MCAM: variants seen among roughly 807,000 people sequenced by gnomAD.
MCAM encodes the protein cell surface glycoprotein MUC18.
A neutral mutation model predicts 79.1 loss-of-function variants in MCAM; 55 were observed. The observed-to-expected ratio is 0.70, with a 90% CI of 0.56 to 0.87. The LOEUF is 0.87. MCAM is among the 40% of genes least tolerant of loss of function. The probability of loss-of-function intolerance (pLI) is 0.00; values close to 1 mark genes in which losing one functional copy is unlikely to be tolerated. For synonymous variants in MCAM, 330 were observed against 339.8 expected, an observed-to-expected ratio of 0.97 and a Z score of 0.32; for missense variants, 745 against 839.8, an observed-to-expected ratio of 0.89 and a Z score of 1.40.
rs747378748 is a variant in MCAM, at chr11:119,311,328, C to T, written c.1501G>A (p.Ala501Thr). 9.3e-6 allele frequency: 15 copies of T among 1,614,072 alleles called. No individual in the cohort carries two copies. The highest frequency in any genetic ancestry group is 2.2e-5 in the East Asian group (1 of 44,896). ...GTGTTTTTGCCCAGGTCGTTGGAGG[C>T]CGTGCATTCAACACCTGTCTCCAAC... The part of the protein sequence containing the change: ...ELLETGVECT[A>T]SNDLGKNTSI... Residue 501 changes from alanine to threonine, a missense_variant, in exon 12 of 16, where the codon GCC (alanine) becomes ACC (threonine). Transcript: ENST00000264036. This position sits in a 1 kb window ranked among gnomAD's most constrained non-coding sequence, Gnocchi z 4.4.
intron 5 of MCAM, 68 bp downstream of exon 5, chr11:119,314,421 A>C (rs1191798675): frequency 7.1e-7 from 1 of 1,410,518 alleles, no homozygotes; most frequent in Non-Finnish European, 1.0e-6. Flanking sequence ...CTCCCAAAGC[A>C]CCGAGATTAC....
At position 119,312,505 on chromosome 11, in the gene MCAM, AC is replaced by A; in HGVS notation, c.861+21del. ...GGTCTCTGCTTGCATCCCCACCTGC[AC>A]CCAGCACAAAGCCCCCACACCTGCT... On this transcript the variant is annotated intron_variant, in intron 7 of 15. Coordinates refer to ENST00000264036, the MANE Select transcript of MCAM (RefSeq NM_006500.3). The surrounding 1 kb of genome is among the most constrained non-coding windows in gnomAD (Gnocchi z 4.9). 6.2e-7 allele frequency: 1 copy of A among 1,613,876 alleles called. No homozygotes were observed.
chr11:119,314,693 T>C lies in MCAM; in HGVS notation c.457A>G (p.Lys153Glu), dbSNP rs1273791046. Residue 153 changes from lysine to glutamate, a missense_variant, in exon 4 of 16, where the codon AAG becomes GAG. Lys to Glu is a moderately conservative substitution (Grantham distance 56, BLOSUM62 1). Transcript: ENST00000264036. ...VNPLGIPVNS[K>E]EPEEVATCVG... is the part of the protein sequence containing the mutation. Reference sequence around the variant, plus strand: ...ACACATCTCACCTCCTCAGGCTCCTTACTGTTCACAGGGATGCCCAGGGGG... The same window carrying C: ...ACACATCTCACCTCCTCAGGCTCCTCACTGTTCACAGGGATGCCCAGGGGG... The C allele has an allele frequency of 5.6e-6, 9 of 1,613,848 alleles. No homozygotes were observed. Among genetic ancestry groups the C allele is most frequent in the Admixed American group, 5.0e-5 (3 of 59,996 alleles).
rs1251314001 is a variant in MCAM, at chr11:119,315,333, G to C, written c.68-70C>G. 1 of 1,522,076 alleles carries C rather than the reference G, an allele frequency of 6.6e-7. No homozygotes were observed. The highest frequency in any genetic ancestry group is 1.4e-5 in the African/African-American group (1 of 72,880). 94.3% of individuals were successfully genotyped at this position (1,522,076 alleles called of 1,614,324 possible). A position where few individuals can be genotyped will look rare whatever the true frequency, so the allele number is the denominator to read the frequency against. On this transcript the variant is annotated intron_variant, in intron 1 of 15. Transcript: ENST00000264036. This position sits in a 1 kb window ranked among gnomAD's most constrained non-coding sequence, Gnocchi z 4.4. Reference sequence around the variant, plus strand: ...TGCTGTCCGCCCCTCCCCTCGCAGCGCTGCTGCAGCTGTTTTTCCTGCCAC... The same window carrying C: ...TGCTGTCCGCCCCTCCCCTCGCAGCCCTGCTGCAGCTGTTTTTCCTGCCAC...
chr11:119,309,541 A>C lies in MCAM; in HGVS notation c.*345T>G. The C allele has an allele frequency of 3.0e-6, 1 of 332,468 alleles. No homozygotes were observed. Among genetic ancestry groups the C allele is most frequent in the Non-Finnish European group, 5.6e-6 (1 of 177,998 alleles). 20.6% of individuals were successfully genotyped at this position (332,468 alleles called of 1,614,324 possible). A position where few individuals can be genotyped will look rare whatever the true frequency, so the allele number is the denominator to read the frequency against. On this transcript the variant is annotated 3_prime_UTR_variant, in exon 16 of 16. Transcript: ENST00000264036. The stretch of plus-strand genomic sequence containing the variant: ...GGAAACCAGCTCAGAGAGGCTACCC[A>C]GCTCAGCTGCTGGCAGGAGCCAGGT...
Position 119,309,617 on chromosome 11 carries a change from T to G in MCAM, c.*269A>C. 1 of 535,792 alleles carries G rather than the reference T, an allele frequency of 1.9e-6. No individual in the cohort carries two copies. Among genetic ancestry groups the G allele is most frequent in the South Asian group, 2.7e-5 (1 of 37,724 alleles). 33.2% of individuals were successfully genotyped at this position (535,792 alleles called of 1,614,324 possible). ...AAAAAACACGTTCTGCAAGAAACTC[T>G]CCTACCCGCTCGGGAGACTGGGGCT... is the stretch of plus-strand genomic sequence containing the variant. On this transcript the variant is annotated 3_prime_UTR_variant, in exon 16 of 16. Transcript: ENST00000264036.
rs1232616618 is a variant in MCAM, at chr11:119,317,098, C to A, written c.4G>T (p.Gly2Trp). The A allele has an allele frequency of 6.5e-7, 1 of 1,527,194 alleles. No homozygotes were observed. The highest frequency in any genetic ancestry group is 1.2e-5 in the South Asian group (1 of 82,882). 94.6% of individuals were successfully genotyped at this position (1,527,194 alleles called of 1,614,324 possible). A position where few individuals can be genotyped will look rare whatever the true frequency, so the allele number is the denominator to read the frequency against. Residue 2 changes from glycine (G) to tryptophan (W), a missense_variant, in exon 1 of 16, where the codon GGG becomes TGG. Transcript: ENST00000264036. This position sits in a 1 kb window ranked among gnomAD's most constrained non-coding sequence, Gnocchi z 6.2. M[G>W]LPRLVCAFLL... ...AAGGCGCAGACCAGCCTGGGAAGCCCCATGCTTCCCGGCCGGAGGGCGAGA... is the reference window on the plus strand; with the variant it reads ...AAGGCGCAGACCAGCCTGGGAAGCCACATGCTTCCCGGCCGGAGGGCGAGA...
In MCAM at chr11:119,315,462, T is replaced by C; in HGVS notation, c.68-199A>G. ...TCCCCGTCCAGGAGATCCCAGGTCCTTGGAGCCAAGCAGAGATTGAGCAGA... is the reference window on the plus strand; with the variant it reads ...TCCCCGTCCAGGAGATCCCAGGTCCCTGGAGCCAAGCAGAGATTGAGCAGA... On this transcript the variant is annotated intron_variant, in intron 1 of 15. Transcript: ENST00000264036. This position sits in a 1 kb window ranked among gnomAD's most constrained non-coding sequence, Gnocchi z 4.4. 2 of 618,980 alleles carry C rather than the reference T, an allele frequency of 3.2e-6. No homozygotes were observed. The highest frequency in any genetic ancestry group is 2.8e-5 in the East Asian group (1 of 35,152). The allele number at this position is 618,980 out of a possible 1,614,324, so 38.3% of individuals were successfully genotyped here.
At chr11:119,313,086 C>G (rs577541626) in intron 5 of MCAM, 137 bp from the exon 6 acceptor site, 39 of 1,543,864 alleles carry the variant, frequency 2.5e-5, no homozygotes, top group African/African-American at 2.0e-4. Context: ...CAAATGCAAG[C>G]TGGAAACCCT....
intron 5 of MCAM, 85 bp downstream of exon 5, chr11:119,314,404 C>T (rs1950278039): frequency 1.7e-5 from 21 of 1,219,930 alleles, no homozygotes; most frequent in Non-Finnish European, 2.5e-5. Context: ...GATCCTCCTG[C>T]CTTGGCCTCC....
chr11:119,316,938 G>T lies in MCAM; in HGVS notation c.67+97C>A, dbSNP rs1320865907. 3 of 1,090,834 alleles carry T rather than the reference G, an allele frequency of 2.8e-6. No individual in the cohort carries two copies. The highest frequency in any genetic ancestry group is 2.6e-5 in the Admixed American group (1 of 39,004). 67.6% of individuals were successfully genotyped at this position (1,090,834 alleles called of 1,614,324 possible). A position where few individuals can be genotyped will look rare whatever the true frequency, so the allele number is the denominator to read the frequency against. ...AGGGAGGAGGCTCGTCCTCCCAGAC[G>T]CAACGCCCCGACCCCGCCGCGCCGC... On this transcript the variant is annotated intron_variant, in intron 1 of 15. Coordinates refer to ENST00000264036, the MANE Select transcript of MCAM (RefSeq NM_006500.3). This position sits in a 1 kb window ranked among gnomAD's most constrained non-coding sequence, Gnocchi z 4.8.
At position 119,314,579 on chromosome 11, in the gene MCAM, A is replaced by G; in HGVS notation, c.472-3T>C. On this transcript the variant is annotated splice_polypyrimidine_tract_variant and splice_region_variant and intron_variant, in intron 4 of 15. Transcript: ENST00000264036. ...TTCCTCCCTACACAGGTAGCGACCT[A>G]AAGAGCACAGGGTGTGAGTCTCCCT... is the stretch of plus-strand genomic sequence containing the variant. 3 of 1,613,684 alleles carry G rather than the reference A, an allele frequency of 1.9e-6. No individual in the cohort carries two copies. Among genetic ancestry groups the G allele is most frequent in the Non-Finnish European group, 2.5e-6 (3 of 1,179,802 alleles).
chr11:119,310,279 A>C, intron 15 of MCAM, 70 bp downstream of exon 15: 1 of 1,004,608 alleles, frequency 1.0e-6, no homozygotes, highest in Non-Finnish European at 1.6e-6. Context: ...GGATAGAGAG[A>C]ACCGTTAGTC....
rs766964039 is a variant in MCAM at position 119,314,687 on chromosome 11, G to C, written c.463C>G (p.Pro155Ala). The change falls in exon 4 of 16, where the codon CCT (proline) becomes GCT (alanine). Residue 155 changes from proline (P) to alanine (A), a missense_variant. Transcript: ENST00000264036. ...PLGIPVNSKEPEEVATCVGRN... is the reference protein window; with the variant it reads ...PLGIPVNSKEAEEVATCVGRN... ...CCTGCCACACATCTCACCTCCTCAG[G>C]CTCCTTACTGTTCACAGGGATGCCC... The C allele has an allele frequency of 1.9e-6, 3 of 1,613,910 alleles. No individual in the cohort carries two copies. Among genetic ancestry groups the C allele is most frequent in the Non-Finnish European group, 2.5e-6 (3 of 1,179,978 alleles).
Position 119,309,158 on chromosome 11 carries a change from TAG to T in MCAM, c.*726_*727del, listed in dbSNP as rs1407236744. 1 of 152,186 alleles carries T rather than the reference TAG, an allele frequency of 6.6e-6. No homozygotes were observed. Among genetic ancestry groups the T allele is most frequent in the Non-Finnish European group, 1.5e-5 (1 of 68,076 alleles). 9.4% of individuals were successfully genotyped at this position (152,186 alleles called of 1,614,324 possible). On this transcript the variant is annotated 3_prime_UTR_variant, in exon 16 of 16. Coordinates refer to ENST00000264036, the MANE Select transcript of MCAM (RefSeq NM_006500.3). ...AGCTAATTTTTTTTTGTATTTTTAG[TAG>T]AGACAGGGTTTCACCGTGTTAGCCA...
At chr11:119,314,337 G>C (rs1950277575) in intron 5 of MCAM, 152 bp downstream of exon 5, 1 of 676,778 alleles carries the variant, frequency 1.5e-6, no homozygotes, top group Admixed American at 2.8e-5. Context: ...TTTATTTTCT[G>C]TAGAGACAGG....
chr11:119,312,504 C>T lies in MCAM; in HGVS notation c.861+23G>A, dbSNP rs371313108. ...GGGTCTCTGCTTGCATCCCCACCTG[C>T]ACCCAGCACAAAGCCCCCACACCTG... is the stretch of plus-strand genomic sequence containing the variant. On this transcript the variant is annotated intron_variant, in intron 7 of 15. Coordinates refer to ENST00000264036, the MANE Select transcript of MCAM (RefSeq NM_006500.3). This position sits in a 1 kb window ranked among gnomAD's most constrained non-coding sequence, Gnocchi z 4.9. The T allele has an allele frequency of 1.3e-4, 209 of 1,614,144 alleles. No individual in the cohort carries two copies. The African/African-American group carries it at 2.3e-3, about 18-fold the overall frequency.
chr11:119,315,564 A>T lies in MCAM; in HGVS notation c.68-301T>A. 2.5e-6 allele frequency: 1 copy of T among 399,124 alleles called. No individual in the cohort carries two copies. 24.7% of individuals were successfully genotyped at this position (399,124 alleles called of 1,614,324 possible). Reference sequence around the variant, plus strand: ...CAACCTAGGCTCGGGGCCAAGAGGAAGGCCCCTTTCCTTCCAGGCCCCCTC... The same window carrying T: ...CAACCTAGGCTCGGGGCCAAGAGGATGGCCCCTTTCCTTCCAGGCCCCCTC... On this transcript the variant is annotated intron_variant, in intron 1 of 15. Coordinates refer to ENST00000264036, the MANE Select transcript of MCAM (RefSeq NM_006500.3). This position sits in a 1 kb window ranked among gnomAD's most constrained non-coding sequence, Gnocchi z 4.4.
chr11:119,310,425 A>G lies in MCAM; in HGVS notation c.1835T>C (p.Val612Ala). Residue 612 changes from valine to alanine, a missense_variant, in exon 15 of 16, where the codon GTT becomes GCT. Coordinates refer to ENST00000264036, the MANE Select transcript of MCAM (RefSeq NM_006500.3). ...PSRKSELVVE[V>A]KSDKLPEEMG... is the part of the protein sequence containing the mutation. ...CTCTTCTGGGAGCTTATCTGACTTA[A>G]CTTCAACTACAAGTTCGCTCTTACG... The G allele has an allele frequency of 6.2e-7, 1 of 1,614,046 alleles. No individual in the cohort carries two copies. Among genetic ancestry groups the G allele is most frequent in the South Asian group, 1.1e-5 (1 of 91,082 alleles).
Sources: allele counts gnomAD v4.1 joint callset, GRCh38; gene constraint gnomAD v4.1.1; non-coding constraint Gnocchi (gnomAD v3.1); transcripts MANE v1.5; gene names NCBI Gene and HGNC (gene_info 2026-07-23, HGNC 2026-07-21).